Variants in EXOC2 observed in about 807,000 individuals in gnomAD.
The protein encoded by EXOC2 is exocyst complex component 2.
EXOC2 carries 70 observed loss-of-function variants against 131.8 expected under a neutral mutation model. That is an observed-to-expected ratio of 0.53 (90% confidence interval 0.44 to 0.65). The LOEUF (loss-of-function observed/expected upper bound fraction) is 0.65. Ranked by LOEUF, EXOC2 falls within the 30% of genes least tolerant of loss-of-function variation. The probability of loss-of-function intolerance (pLI) is 0.00; values close to 1 mark genes in which losing one functional copy is unlikely to be tolerated. For missense variants in EXOC2, 923 were observed against 1,108.6 expected, an observed-to-expected ratio of 0.83 and a Z score of 2.38; for synonymous variants, 411 against 398.4, an observed-to-expected ratio of 1.03 and a Z score of -0.38.
Position 572,512 on chromosome 6 carries a change from A to G in EXOC2, c.1443+8T>C. The G allele has an allele frequency of 1.9e-6, 3 of 1,612,950 alleles. No homozygotes were observed. The highest frequency in any genetic ancestry group is 2.5e-6 in the Non-Finnish European group (3 of 1,179,652). On this transcript the variant is annotated splice_region_variant and intron_variant, in intron 13 of 27. Transcript: ENST00000230449. Reference sequence around the variant, plus strand: ...CAGCTCCACCTCTAGCCGAGTCCGTATACACACCTCACTGAAGAGGCTTCC... The same window carrying G: ...CAGCTCCACCTCTAGCCGAGTCCGTGTACACACCTCACTGAAGAGGCTTCC...
At chr6:540,735 G>C (rs1766766206) in intron 22 of EXOC2, among the ~76,000 whole-genome samples, 1 of 152,082 alleles carries the variant, frequency 6.6e-6, no homozygotes, top group Non-Finnish European at 1.5e-5. Context: ...AGTTTGAATG[G>C]AGAAGAAAAA....
intron 23 of EXOC2, among the ~76,000 whole-genome samples, chr6:504,852 C>T (rs1312043680): frequency 3.3e-5 from 5 of 152,128 alleles, no homozygotes; most frequent in African/African-American, 1.2e-4. Flanking sequence ...GGACCCCCCA[C>T]CCTAAGAGAG....
In EXOC2 at chr6:606,176, C is replaced by A. The variant is rs542102944; in HGVS notation, c.742+3922G>T. ...GCAAACTATCACAAGGACAAAAAAC[C>A]AAACACCGTATGTTCTCACTCATAG... On this transcript the variant is annotated intron_variant, in intron 7 of 27. Transcript: ENST00000230449. 3.9e-5 allele frequency among the ~76,000 whole-genome samples: 6 copies of A among 152,236 alleles called. No homozygotes were observed. The East Asian group carries it at 1.2e-3, about 29-fold the overall frequency.
intron 23 of EXOC2, among the ~76,000 whole-genome samples, chr6:529,131 C>G (rs1366980233): frequency 6.6e-6 from 1 of 152,164 alleles, no homozygotes; most frequent in African/African-American, 2.4e-5. Context: ...CCCCCGCGCC[C>G]TGGTTACTGC....
intron 2 of EXOC2, among the ~76,000 whole-genome samples, chr6:634,517 A>C (rs889076625): frequency 6.6e-6 from 1 of 152,230 alleles, no homozygotes; most frequent in Non-Finnish European, 1.5e-5. Context: ...CTGACTTTAA[A>C]ATGGAGGCAC....
chr6:550,851 CT>C (rs1249050695), intron 21 of EXOC2, among the ~76,000 whole-genome samples: 2 of 152,228 alleles, frequency 1.3e-5, no homozygotes, highest in Admixed American at 6.5e-5. Context: ...TCCTTAGTTA[CT>C]TTTTCCTTCC....
rs1758848262 is a variant in EXOC2 at position 580,773 on chromosome 6, T to C, written c.1193-3891A>G. ...GCAATTCTAAAAGTCTTTTTAGCTATAAAATTCTGACTCTATGATTCAAAG... is the reference window on the plus strand; with the variant it reads ...GCAATTCTAAAAGTCTTTTTAGCTACAAAATTCTGACTCTATGATTCAAAG... On this transcript the variant is annotated intron_variant, in intron 11 of 27. Coordinates refer to ENST00000230449, the MANE Select transcript of EXOC2 (RefSeq NM_018303.6). Among the ~76,000 whole-genome samples the C allele has an allele frequency of 2.0e-5, 3 of 152,282 alleles. No individual in the cohort carries two copies. In the South Asian group the frequency reaches 6.2e-4, roughly 32 times the overall value.
rs1763054453 is a variant in EXOC2 at position 486,470 on chromosome 6, T to C, written c.*201A>G. ...CATACAGGATCTGATCTAGTAAGAA[T>C]GGCAAAACAAATACTTCCTGGGCAT... On this transcript the variant is annotated 3_prime_UTR_variant, in exon 28 of 28. Coordinates refer to ENST00000230449, the MANE Select transcript of EXOC2 (RefSeq NM_018303.6). The C allele has an allele frequency of 3.7e-6, 2 of 544,572 alleles. No individual in the cohort carries two copies. The highest frequency in any genetic ancestry group is 6.5e-6 in the Non-Finnish European group (2 of 305,682). The allele number at this position is 544,572 out of a possible 1,614,324, so 33.7% of individuals were successfully genotyped here. A position where few individuals can be genotyped will look rare whatever the true frequency, so the allele number is the denominator to read the frequency against.
Position 584,374 on chromosome 6 carries a change from T to C in EXOC2, c.1193-7492A>G, listed in dbSNP as rs529146235. 2.6e-5 allele frequency among the ~76,000 whole-genome samples: 4 copies of C among 152,368 alleles called. No individual in the cohort carries two copies. The South Asian group carries it at 8.3e-4, about 32-fold the overall frequency. ...TAAAATAGCAAGATATAACAGTTTATACTATGTAAATTCAAAATCATAAAT... is the reference window on the plus strand; with the variant it reads ...TAAAATAGCAAGATATAACAGTTTACACTATGTAAATTCAAAATCATAAAT... On this transcript the variant is annotated intron_variant, in intron 11 of 27. Coordinates refer to ENST00000230449, the MANE Select transcript of EXOC2 (RefSeq NM_018303.6).
At chr6:679,581 T>C (rs1764307675) in intron 1 of EXOC2, 1 of 152,206 alleles carries the variant, frequency 6.6e-6, no homozygotes, top group Non-Finnish European at 1.5e-5. Context: ...CAAAATGTAT[T>C]CTTGAAAAGT....
At chr6:633,786 T>C (rs1761971382) in intron 2 of EXOC2, among the ~76,000 whole-genome samples, 1 of 152,166 alleles carries the variant, frequency 6.6e-6, no homozygotes, top group Non-Finnish European at 1.5e-5. Flanking sequence ...CATTCTGCTC[T>C]TACAGTAAAC....
In EXOC2 at chr6:486,526, T is replaced by C. The variant is rs1191146267; in HGVS notation, c.*145A>G. On this transcript the variant is annotated 3_prime_UTR_variant, in exon 28 of 28. Coordinates refer to ENST00000230449, the MANE Select transcript of EXOC2 (RefSeq NM_018303.6). ...ATGAGGTCATTTTGGTTGAAATGTA[T>C]ACCAACAATTTTCGAAGTCAGAGGA... The C allele has an allele frequency of 1.5e-6, 1 of 671,982 alleles. No individual in the cohort carries two copies. The allele number at this position is 671,982 out of a possible 1,614,324, so 41.6% of individuals were successfully genotyped here.
Position 591,283 on chromosome 6 carries a change from A to T in EXOC2, c.1192+1186T>A, listed in dbSNP as rs550850957. ...CCCCAATCCATTGACCCCAGCTTAA[A>T]ATCCGTCAGCGACTCCCCATCGCAC... On this transcript the variant is annotated intron_variant, in intron 11 of 27. Coordinates refer to ENST00000230449, the MANE Select transcript of EXOC2 (RefSeq NM_018303.6). 4.6e-5 allele frequency among the ~76,000 whole-genome samples: 7 copies of T among 152,138 alleles called. 1 individual carries two copies. In the South Asian group the frequency reaches 1.5e-3, roughly 32 times the overall value.
intron 1 of EXOC2, among the ~76,000 whole-genome samples, chr6:646,372 G>A (rs1351595991): frequency 5.3e-5 from 8 of 152,168 alleles, no homozygotes; most frequent in African/African-American, 1.4e-4. Flanking sequence ...AACAACTGGT[G>A]GGCGTGGTTA....
intron 1 of EXOC2, among the ~76,000 whole-genome samples, chr6:677,778 C>T (rs1229817883): frequency 2.0e-5 from 3 of 152,262 alleles, no homozygotes; most frequent in Non-Finnish European, 4.4e-5. Context: ...TATCCAAGTA[C>T]TTTTCTATGT....
chr6:503,295 G>C (rs1764337134), intron 23 of EXOC2, among the ~76,000 whole-genome samples: 2 of 152,064 alleles, frequency 1.3e-5, no homozygotes, highest in African/African-American at 4.8e-5. Flanking sequence ...TAGGCACATG[G>C]CAGAGGTGCT....
rs1040258929 is a variant in EXOC2 at position 650,959 on chromosome 6, T to C, written c.-43-13098A>G. Among the ~76,000 whole-genome samples, 3 of 151,884 alleles carry C rather than the reference T, an allele frequency of 2.0e-5. No homozygotes were observed. The South Asian group carries it at 6.2e-4, about 32-fold the overall frequency. ...GAAGAGATGCCTGAAACAAACACGA[T>C]AAGCAATTTGTTATGTCAAAATCAA... On this transcript the variant is annotated intron_variant, in intron 1 of 27. Transcript: ENST00000230449.
chr6:652,177 C>T (rs1381658404), intron 1 of EXOC2, among the ~76,000 whole-genome samples: 1 of 152,066 alleles, frequency 6.6e-6, no homozygotes, highest in East Asian at 1.9e-4. Flanking sequence ...ATACACTATA[C>T]CTCCAAAGTG....
intron 22 of EXOC2, among the ~76,000 whole-genome samples, chr6:537,200 T>TCTGGAAAACTACTCAGAGTTCCTAATCAG (rs1561829975): frequency 6.8e-6 from 1 of 148,050 alleles, no homozygotes; most frequent in African/African-American, 2.5e-5. Flanking sequence ...GAGCGTACAC[T>TCTGGAAAACTACTCAGAGTTCCTAATCAG]CGAGATGACG....
Sources: allele counts gnomAD v4.1 joint callset (sites outside exome capture counted in the v4.1 genomes callset), GRCh38; gene constraint gnomAD v4.1.1; transcripts MANE v1.5; gene names NCBI Gene and HGNC (gene_info 2026-07-23, HGNC 2026-07-21).